The following PTPRD variants were observed in gnomAD, a reference collection of about 807,000 sequenced individuals.
PTPRD encodes protein tyrosine phosphatase receptor type D.
PTPRD carries 34 observed loss-of-function variants against 214.5 expected under a neutral mutation model. The ratio of observed to expected loss-of-function variants is 0.16; its 90% CI spans 0.12 to 0.21. The LOEUF is 0.21. Among genes scored for constraint, PTPRD ranks in the 10% least tolerant of loss-of-function variants. The pLI is 1.00. For missense variants in PTPRD, 2,545 were observed against 2,398.7 expected (o/e 1.06, Z -1.27); for synonymous variants, 1,128 against 845.7 (o/e 1.33, Z -5.79).
At chr9:9,299,617 A>G (rs998793432) in intron 9 of PTPRD, among the ~76,000 whole-genome samples, 1 of 151,916 alleles carries the variant, frequency 6.6e-6, no homozygotes, top group East Asian at 1.9e-4. Flanking sequence ...CATATGTGCA[A>G]GGTCATCCAT....
chr9:9,715,089 G>A (rs2097795078), intron 7 of PTPRD, among the ~76,000 whole-genome samples: 1 of 152,110 alleles, frequency 6.6e-6, no homozygotes, highest in South Asian at 2.1e-4. Flanking sequence ...GTTTATGCTG[G>A]ATCCTCGTCC....
At chr9:9,555,974 T>C (rs2081418777) in intron 8 of PTPRD, among the ~76,000 whole-genome samples, 1 of 152,120 alleles carries the variant, frequency 6.6e-6, no homozygotes, top group Non-Finnish European at 1.5e-5. Context: ...ATTACTCCTT[T>C]TATGGCCTTA....
At chr9:9,072,626 C>G (rs529090630) in intron 10 of PTPRD, among the ~76,000 whole-genome samples, 1 of 152,292 alleles carries the variant, frequency 6.6e-6, no homozygotes, top group African/African-American at 2.4e-5. Context: ...ACATACTATT[C>G]TACATAGTCA....
At chr9:10,374,688 AT>A (rs2154479558) in intron 2 of PTPRD, among the ~76,000 whole-genome samples, 1 of 152,160 alleles carries the variant, frequency 6.6e-6, no homozygotes, top group South Asian at 2.1e-4. Flanking sequence ...TTTTCCACAC[AT>A]TTGCTAGCTC....
chr9:8,471,100 A>G lies in PTPRD; in HGVS notation c.3414-15T>C, dbSNP rs2134956806. On this transcript the variant is annotated splice_polypyrimidine_tract_variant and intron_variant, in intron 30 of 45. Coordinates refer to ENST00000381196, the MANE Select transcript of PTPRD (RefSeq NM_002839.4). ...TGTAGTAACCTCTGCACAAGAATGA[A>G]TAGATAAAAGTTAGGTTAGTTGAAA... is the stretch of plus-strand genomic sequence containing the variant. 6.2e-7 allele frequency: 1 copy of G among 1,607,448 alleles called. No homozygotes were observed. Among genetic ancestry groups the G allele is most frequent in the South Asian group, 1.1e-5 (1 of 90,970 alleles).
intron 11 of PTPRD, among the ~76,000 whole-genome samples, chr9:8,951,270 T>C (rs2099100649): frequency 6.6e-6 from 1 of 151,672 alleles, no homozygotes; most frequent in South Asian, 2.1e-4. Flanking sequence ...TCTATTTTTT[T>C]TCTTACCACA....
chr9:9,205,808 G>A (rs1434654815), intron 9 of PTPRD, among the ~76,000 whole-genome samples: 5 of 152,092 alleles, frequency 3.3e-5, no homozygotes, highest in Non-Finnish European at 2.9e-5. Context: ...CTAGAAGATT[G>A]TACATGCAGC....
At chr9:8,604,124 G>A (rs750138911) in intron 14 of PTPRD, among the ~76,000 whole-genome samples, 4 of 152,162 alleles carry the variant, frequency 2.6e-5, no homozygotes, top group Non-Finnish European at 4.4e-5. Flanking sequence ...GCCCAGTACT[G>A]TTGTTGTAAA....
chr9:8,319,451 G>T (rs539403574), intron 45 of PTPRD, among the ~76,000 whole-genome samples: 1 of 152,086 alleles, frequency 6.6e-6, no homozygotes, highest in African/African-American at 2.4e-5. Context: ...TACAGAGGGA[G>T]AATGGAGAAG....
At chr9:10,558,812 C>A (rs931081430) in intron 2 of PTPRD, among the ~76,000 whole-genome samples, 1 of 151,996 alleles carries the variant, frequency 6.6e-6, no homozygotes, top group African/African-American at 2.4e-5. Flanking sequence ...AAACAATATT[C>A]CCTAGTTTAC....
chr9:10,218,534 G>T (rs1288455185), intron 3 of PTPRD, among the ~76,000 whole-genome samples: 9 of 151,834 alleles, frequency 5.9e-5, no homozygotes, highest in Non-Finnish European at 1.5e-5. Context: ...CGTTCTAGTG[G>T]TTTTTATGAG....
At position 8,948,519 on chromosome 9, in the gene PTPRD, T is replaced by A. The variant is rs4008146; in HGVS notation, c.-104+70178A>T. The stretch of plus-strand genomic sequence containing the variant: ...TATATATATATTTATATATATATAT[T>A]TATATATATATTTATATATATATTT... On this transcript the variant is annotated intron_variant, in intron 11 of 45. Coordinates refer to ENST00000381196, the MANE Select transcript of PTPRD (RefSeq NM_002839.4). 3.7e-3 allele frequency among the ~76,000 whole-genome samples: 47 copies of A among 12,834 alleles called. 8 individuals are homozygous for A. Among genetic ancestry groups the A allele is most frequent in the Non-Finnish European group, 6.7e-3 (29 of 4,344 alleles). 8.4% of individuals were successfully genotyped at this position (12,834 alleles called of 152,430 possible).
At chr9:8,454,186 A>G (rs2096082244) in intron 33 of PTPRD, among the ~76,000 whole-genome samples, 1 of 152,194 alleles carries the variant, frequency 6.6e-6, no homozygotes, top group African/African-American at 2.4e-5. Context: ...TCATTAGGTG[A>G]TCTGTACTCA....
At chr9:8,575,162 A>T (rs1340715822) in intron 14 of PTPRD, among the ~76,000 whole-genome samples, 1 of 152,136 alleles carries the variant, frequency 6.6e-6, no homozygotes, top group Non-Finnish European at 1.5e-5. Flanking sequence ...AGAAGTTTTT[A>T]AAGTTGGTGA....
chr9:8,318,034 A>G (rs1425143004), intron 45 of PTPRD, 92 bp from the exon 46 acceptor site: 1 of 1,262,760 alleles, frequency 7.9e-7, no homozygotes, highest in Non-Finnish European at 1.1e-6. Context: ...TAACAAAATA[A>G]CATCTATATA....
intron 7 of PTPRD, among the ~76,000 whole-genome samples, chr9:9,732,728 G>C (rs960005880): frequency 6.6e-6 from 1 of 152,074 alleles, no homozygotes; most frequent in African/African-American, 2.4e-5. Context: ...GAGATGGAAG[G>C]CTAACCCTCA....
Position 9,111,900 on chromosome 9 carries a change from T to C in PTPRD, c.-143+71404A>G, listed in dbSNP as rs899871703. The stretch of plus-strand genomic sequence containing the variant: ...CAAAACAAGAAAACCTTTCCTCTGC[T>C]CATTAAGGACGACTGCTTCATAGGC... On this transcript the variant is annotated intron_variant, in intron 10 of 45. Transcript: ENST00000381196. Among the ~76,000 whole-genome samples the C allele has an allele frequency of 4.6e-5, 7 of 152,236 alleles. 1 individual carries two copies. The Middle Eastern group carries it at 0.01, about 222-fold the overall frequency.
At position 9,582,948 on chromosome 9, in the gene PTPRD, T is replaced by C. The variant is rs150624141; in HGVS notation, c.-286-8167A>G. 2.8e-3 allele frequency among the ~76,000 whole-genome samples: 433 copies of C among 152,162 alleles called. 2 individuals are homozygous for C. Among genetic ancestry groups the C allele is most frequent in the African/African-American group, 1.0e-2 (414 of 41,564 alleles). ...CCCAGAGCATTTGTTGGAATTTCAT[T>C]ATACAATTGAAAGTCATTTGAAAGT... On this transcript the variant is annotated intron_variant, in intron 7 of 45. Transcript: ENST00000381196.
At chr9:9,931,793 G>C (rs7027931) in intron 5 of PTPRD, among the ~76,000 whole-genome samples, 2,819 of 151,124 alleles carry the variant, frequency 0.019, 106 homozygotes, top group African/African-American at 0.066. Flanking sequence ...CAAACAAAAA[G>C]ACAGCAGTAA....
Sources: allele counts gnomAD v4.1 joint callset (sites outside exome capture counted in the v4.1 genomes callset), GRCh38; gene constraint gnomAD v4.1.1; transcripts MANE v1.5; gene names NCBI Gene and HGNC (gene_info 2026-07-23, HGNC 2026-07-21).